The following MDGA2 variants were observed in gnomAD, a reference collection of about 807,000 sequenced individuals.
MDGA2 encodes MAM domain containing glycosylphosphatidylinositol anchor 2.
In MDGA2, 40 loss-of-function variants were observed where a neutral mutation model predicts 117.8. That is an observed-to-expected ratio of 0.34 (90% CI 0.26 to 0.44). The LOEUF (loss-of-function observed/expected upper bound fraction) is 0.44. Among genes scored for constraint, MDGA2 ranks in the 20% least tolerant of loss-of-function variants. The pLI is 1.00. For missense variants in MDGA2, 1,123 were observed against 1,250.6 expected (o/e 0.90, Z 1.54); for synonymous variants, 452 against 439.0 (o/e 1.03, Z -0.37).
At chr14:47,215,080 T>G (rs1886036507) in intron 3 of MDGA2, among the ~76,000 whole-genome samples, 1 of 152,124 alleles carries the variant, frequency 6.6e-6, no homozygotes, top group Non-Finnish European at 1.5e-5. Flanking sequence ...GCTTCCAAGT[T>G]GTACTGATAT....
intron 1 of MDGA2, among the ~76,000 whole-genome samples, chr14:47,539,133 G>T (rs1895285673): frequency 6.6e-6 from 1 of 152,260 alleles, no homozygotes; most frequent in African/African-American, 2.4e-5. Context: ...CAGAGCATTG[G>T]AGCTTGCTCA....
chr14:47,515,263 G>T (rs776032932), intron 1 of MDGA2, among the ~76,000 whole-genome samples: 1 of 152,158 alleles, frequency 6.6e-6, no homozygotes, highest in African/African-American at 2.4e-5. Context: ...GAATATTTAA[G>T]ATGCTTCCCC....
At chr14:47,000,054 T>C (rs1439649401) in intron 8 of MDGA2, among the ~76,000 whole-genome samples, 1 of 151,784 alleles carries the variant, frequency 6.6e-6, no homozygotes. Context: ...TTACAACTTT[T>C]AGTTATCTTG....
At position 46,864,363 on chromosome 14, in the gene MDGA2, A is replaced by G. The variant is rs928443265; in HGVS notation, c.2752+9070T>C. ...ATGCTTAGTCAATCTAATACTTCAA[A>G]CATTCTAACTTAATTATTTTGCCTT... On this transcript the variant is annotated intron_variant, in intron 14 of 16. Transcript: ENST00000399232. Among the ~76,000 whole-genome samples, 70 of 150,234 alleles carry G rather than the reference A, an allele frequency of 4.7e-4. 2 individuals are homozygous for G. The highest frequency in any genetic ancestry group is 2.8e-4 in the Non-Finnish European group (19 of 67,418).
chr14:47,467,433 G>T (rs921040344), intron 1 of MDGA2, among the ~76,000 whole-genome samples: 1 of 152,074 alleles, frequency 6.6e-6, no homozygotes, highest in Non-Finnish European at 1.5e-5. Flanking sequence ...TTCTTGATAA[G>T]GCCTCTGGGG....
chr14:47,216,894 T>C (rs1185137066), intron 3 of MDGA2, among the ~76,000 whole-genome samples: 2 of 151,858 alleles, frequency 1.3e-5, no homozygotes, highest in Non-Finnish European at 2.9e-5. Context: ...GGGATGAATG[T>C]TTCTGAATTA....
chr14:47,231,009 C>G (rs960804361), intron 2 of MDGA2, among the ~76,000 whole-genome samples: 1 of 151,906 alleles, frequency 6.6e-6, no homozygotes, highest in African/African-American at 2.4e-5. Flanking sequence ...GAAATGTAAA[C>G]TAATTTTGTG....
intron 6 of MDGA2, among the ~76,000 whole-genome samples, chr14:47,075,495 A>T (rs1890458366): frequency 6.6e-6 from 1 of 152,200 alleles, no homozygotes; most frequent in Non-Finnish European, 1.5e-5. Flanking sequence ...CCATTTTGTC[A>T]ATTATCAGAC....
At chr14:46,960,065 T>G (rs376657213) in intron 8 of MDGA2, among the ~76,000 whole-genome samples, 1 of 151,780 alleles carries the variant, frequency 6.6e-6, no homozygotes. Context: ...CTACCAAAAA[T>G]ACAAAAATTA....
chr14:47,339,108 A>C (rs1890544927), intron 1 of MDGA2, among the ~76,000 whole-genome samples: 1 of 152,108 alleles, frequency 6.6e-6, no homozygotes, highest in Non-Finnish European at 1.5e-5. Flanking sequence ...GTCTATTTAA[A>C]ATGGACTATC....
At chr14:47,628,757 A>AT (rs551375417) in intron 1 of MDGA2, among the ~76,000 whole-genome samples, 10 of 152,186 alleles carry the variant, frequency 6.6e-5, no homozygotes, top group South Asian at 2.1e-4. Context: ...AAGAATGAAG[A>AT]TTTTTTTCCC....
intron 1 of MDGA2, among the ~76,000 whole-genome samples, chr14:47,641,612 A>T (rs1897425892): frequency 6.6e-6 from 1 of 152,138 alleles, no homozygotes; most frequent in Non-Finnish European, 1.5e-5. Flanking sequence ...CCAATAAGAA[A>T]TCAAAAGAAA....
At chr14:46,872,805 C>T (rs564352271) in intron 14 of MDGA2, among the ~76,000 whole-genome samples, 2 of 151,998 alleles carry the variant, frequency 1.3e-5, no homozygotes, top group South Asian at 4.1e-4. Flanking sequence ...TCTTTTTCCC[C>T]ACAGAGTTTA....
intron 14 of MDGA2, among the ~76,000 whole-genome samples, chr14:46,872,590 A>G (rs979073650): frequency 3.3e-5 from 5 of 151,968 alleles, no homozygotes; most frequent in Admixed American, 6.6e-5. Flanking sequence ...GGTCTCGAGT[A>G]GAATCATATT....
At chr14:47,439,959 T>C (rs928837370) in intron 1 of MDGA2, among the ~76,000 whole-genome samples, 1 of 152,218 alleles carries the variant, frequency 6.6e-6, no homozygotes, top group African/African-American at 2.4e-5. Context: ...TTTTGGTTTG[T>C]AAATTCTTTA....
At chr14:47,032,177 T>A in intron 8 of MDGA2, among the ~76,000 whole-genome samples, 1 of 152,200 alleles carries the variant, frequency 6.6e-6, no homozygotes, top group East Asian at 1.9e-4. Flanking sequence ...TAGAGAGGTA[T>A]ACATATGTAT....
At chr14:47,597,090 T>C (rs941554587) in intron 1 of MDGA2, among the ~76,000 whole-genome samples, 3 of 152,102 alleles carry the variant, frequency 2.0e-5, no homozygotes, top group Non-Finnish European at 4.4e-5. Context: ...TGACTGAGAG[T>C]TTCTGTGATA....
At chr14:47,107,787 C>T (rs1460282405) in intron 5 of MDGA2, among the ~76,000 whole-genome samples, 1 of 150,732 alleles carries the variant, frequency 6.6e-6, no homozygotes, top group East Asian at 1.9e-4. Context: ...TCTCTCCAAA[C>T]AACTTGACCT....
chr14:47,506,136 T>A (rs544310249), intron 1 of MDGA2, among the ~76,000 whole-genome samples: 9 of 147,896 alleles, frequency 6.1e-5, no homozygotes, highest in African/African-American at 2.4e-4. Flanking sequence ...ATCTTCTCTA[T>A]AAAGAAAGTA....
Sources: gnomAD v4.1 joint callset for allele counts (sites outside exome capture counted in the v4.1 genomes callset) on GRCh38, gnomAD v4.1.1 for gene constraint, MANE v1.5 for transcripts, NCBI Gene and HGNC (gene_info 2026-07-23, HGNC 2026-07-21) for gene names.